The following FBLN7 variants were observed in gnomAD, a reference collection of about 807,000 sequenced individuals.
The protein encoded by FBLN7 is fibulin-7.
Under a neutral mutation model 44.0 loss-of-function variants are expected in FBLN7, and 31 were observed. That is an observed-to-expected ratio of 0.70 (90% CI 0.53 to 0.95). The LOEUF is 0.95. FBLN7 is among the 40% of genes least tolerant of loss of function. The pLI is 0.00. For missense variants in FBLN7, 573 were observed against 618.5 expected, an observed-to-expected ratio of 0.93 and a Z score of 0.78; for synonymous variants, 262 against 253.4, an observed-to-expected ratio of 1.03 and a Z score of -0.32.
At chr2:112,222,176 T>C in the FBLN7 span, among the ~76,000 whole-genome samples, 2 of 152,204 alleles carry the variant, frequency 1.3e-5, no homozygotes, top group African/African-American at 4.8e-5. Flanking sequence ...GTTTCTTTTG[T>C]TGAGTGTTCT....
At chr2:112,160,077 G>A (rs1221928532) in intron 2 of FBLN7, among the ~76,000 whole-genome samples, 1 of 152,052 alleles carries the variant, frequency 6.6e-6, no homozygotes, top group Non-Finnish European at 1.5e-5. Flanking sequence ...TGCAAGCTCC[G>A]CCTCCCGGGT....
At chr2:112,213,230 A>G in the FBLN7 span, 1 of 152,062 alleles carries the variant, frequency 6.6e-6, no homozygotes, top group South Asian at 2.1e-4. Flanking sequence ...TTGGCCTCCC[A>G]AAGTGCCGAG....
intron 3 of FBLN7, among the ~76,000 whole-genome samples, chr2:112,174,159 T>C (rs1352112987): frequency 3.3e-5 from 5 of 152,196 alleles, no homozygotes; most frequent in African/African-American, 1.2e-4. Context: ...CAGACTACGC[T>C]GGTGGGCAAC....
At chr2:112,145,964 T>G (rs1489282663) in intron 1 of FBLN7, among the ~76,000 whole-genome samples, 1 of 152,236 alleles carries the variant, frequency 6.6e-6, no homozygotes, top group Admixed American at 6.5e-5. Flanking sequence ...CAAAATCCCT[T>G]TGGCTATTCT....
At chr2:112,201,219 T>G in the FBLN7 span, among the ~76,000 whole-genome samples, 1 of 152,206 alleles carries the variant, frequency 6.6e-6, no homozygotes, top group African/African-American at 2.4e-5. Flanking sequence ...CCTGAATCTC[T>G]TTACAAATCC....
the FBLN7 span, among the ~76,000 whole-genome samples, chr2:112,209,070 T>G: frequency 6.6e-6 from 1 of 152,196 alleles, no homozygotes; most frequent in African/African-American, 2.4e-5. Context: ...TTACATCCAT[T>G]ACCTCATTGG....
At chr2:112,229,675 T>A in the FBLN7 span, among the ~76,000 whole-genome samples, 4 of 152,180 alleles carry the variant, frequency 2.6e-5, no homozygotes, top group African/African-American at 9.7e-5. Context: ...AATCTATATA[T>A]GCATAAAAAA....
chr2:112,147,922 C>G (rs1680967558), intron 1 of FBLN7, among the ~76,000 whole-genome samples: 1 of 152,108 alleles, frequency 6.6e-6, no homozygotes, highest in Non-Finnish European at 1.5e-5. Context: ...AGAGTGGTGG[C>G]TGAATCCTAC....
At chr2:112,231,752 C>A in the FBLN7 span, 1 of 755,220 alleles carries the variant, frequency 1.3e-6, no homozygotes, top group Non-Finnish European at 2.0e-6. Context: ...GAGGCACTCT[C>A]CTTAATTATC....
Position 112,159,663 on chromosome 2 carries a change from C to T in FBLN7, c.76-13C>T, listed in dbSNP as rs765511683. 2 of 1,511,876 alleles carry T rather than the reference C, an allele frequency of 1.3e-6. No homozygotes were observed. Among genetic ancestry groups the T allele is most frequent in the Non-Finnish European group, 1.8e-6 (2 of 1,122,998 alleles). 93.7% of individuals were successfully genotyped at this position (1,511,876 alleles called of 1,614,324 possible). A position where few individuals can be genotyped will look rare whatever the true frequency, so the allele number is the denominator to read the frequency against. ...TCTCAATGGGTGGTGGCGGCGATGT[C>T]TTCTCTCCGCAGAACTGTCTCAGCA... On this transcript the variant is annotated splice_polypyrimidine_tract_variant and intron_variant, in intron 1 of 7. Coordinates refer to ENST00000331203, the MANE Select transcript of FBLN7 (RefSeq NM_153214.3).
the FBLN7 span, among the ~76,000 whole-genome samples, chr2:112,224,209 T>G: frequency 2.0e-5 from 3 of 152,326 alleles, no homozygotes; most frequent in African/African-American, 7.2e-5. Context: ...ATTTAAAAAT[T>G]TAGTTTATAT....
the FBLN7 span, among the ~76,000 whole-genome samples, chr2:112,205,115 A>G: frequency 5.5e-4 from 84 of 152,242 alleles, no homozygotes; most frequent in African/African-American, 1.8e-3. Flanking sequence ...AATTGGTGTC[A>G]ATCTGAACTA....
chr2:112,236,739 T>C, the FBLN7 span: 4 of 1,528,222 alleles, frequency 2.6e-6, no homozygotes, highest in African/African-American at 2.8e-5. Flanking sequence ...AAAGTTACAA[T>C]AGCAGTTTAC....
At chr2:112,172,732 A>G (rs1682536960) in intron 3 of FBLN7, among the ~76,000 whole-genome samples, 1 of 145,936 alleles carries the variant, frequency 6.9e-6, no homozygotes, top group Non-Finnish European at 1.5e-5. Context: ...TCCTGGCTTC[A>G]AGCGATTCTC....
intron 1 of FBLN7, among the ~76,000 whole-genome samples, chr2:112,158,065 T>G (rs1239500796): frequency 2.6e-5 from 4 of 151,764 alleles, no homozygotes; most frequent in Admixed American, 2.0e-4. Flanking sequence ...ACCCGGATAA[T>G]TTTTTGTATT....
intron 3 of FBLN7, 103 bp downstream of exon 3, chr2:112,165,274 C>T: frequency 2.2e-6 from 3 of 1,394,676 alleles, no homozygotes; most frequent in South Asian, 2.9e-5. Context: ...CTGCTTGGTT[C>T]TTTAATCATT....
At chr2:112,219,243 A>G in the FBLN7 span, among the ~76,000 whole-genome samples, 1 of 152,222 alleles carries the variant, frequency 6.6e-6, no homozygotes, top group Non-Finnish European at 1.5e-5. Context: ...ATAGACATAT[A>G]GAGCACTGGA....
the FBLN7 span, among the ~76,000 whole-genome samples, chr2:112,218,506 A>G: frequency 6.6e-6 from 1 of 152,276 alleles, no homozygotes; most frequent in East Asian, 1.9e-4. Context: ...CTACACACAA[A>G]CAATGAACAG....
the FBLN7 span, among the ~76,000 whole-genome samples, chr2:112,202,828 G>A: frequency 6.6e-6 from 1 of 152,016 alleles, no homozygotes; most frequent in African/African-American, 2.4e-5. Context: ...AGAACAAGTT[G>A]GGAGCTTCTC....
Sources: allele counts gnomAD v4.1 joint callset (sites outside exome capture counted in the v4.1 genomes callset), GRCh38; gene constraint gnomAD v4.1.1; transcripts MANE v1.5; gene names NCBI Gene and HGNC (gene_info 2026-07-23, HGNC 2026-07-21).